PTK2: variants seen among roughly 807,000 people sequenced by gnomAD.
PTK2 encodes protein tyrosine kinase 2.
PTK2 carries 45 observed loss-of-function variants against 150.1 expected under a neutral mutation model. The observed-to-expected ratio is 0.30, with a 90% CI of 0.24 to 0.38. PTK2 has a LOEUF of 0.38. PTK2 is among the 10% of genes least tolerant of loss of function. The pLI is 1.00. For synonymous variants in PTK2, 432 were observed against 449.2 expected, an observed-to-expected ratio of 0.96 and a Z score of 0.48; for missense variants, 919 against 1,307.3, an observed-to-expected ratio of 0.70 and a Z score of 4.58.
intron 1 of PTK2, among the ~76,000 whole-genome samples, chr8:140,974,361 C>CGTT (rs2100188479): frequency 1.3e-5 from 2 of 152,186 alleles, no homozygotes; most frequent in African/African-American, 4.8e-5. Context: ...CTCATAGCCA[C>CGTT]ATGAATACTA....
chr8:140,666,828 G>C (rs2092313118), intron 30 of PTK2, among the ~76,000 whole-genome samples: 1 of 152,190 alleles, frequency 6.6e-6, no homozygotes, highest in Non-Finnish European at 1.5e-5. Flanking sequence ...CATGTTCCTA[G>C]CAGCATTCTT....
chr8:140,905,055 T>C (rs993723353), intron 2 of PTK2, among the ~76,000 whole-genome samples: 2 of 152,252 alleles, frequency 1.3e-5, no homozygotes, highest in Non-Finnish European at 2.9e-5. Flanking sequence ...GTGTTTGCTC[T>C]TCCTTCTCTA....
rs1487303719 is a variant in PTK2 at position 140,807,717 on chromosome 8, AATG to A, written c.868-4070_868-4068del. Among the ~76,000 whole-genome samples the A allele has an allele frequency of 4.6e-5, 7 of 152,360 alleles. No individual in the cohort carries two copies. The East Asian group carries it at 1.2e-3, about 25-fold the overall frequency. On this transcript the variant is annotated intron_variant, in intron 10 of 31. Coordinates refer to ENST00000522684, the Ensembl canonical transcript of PTK2. ...AATTCTTACACTGACTATATCTTGA[AATG>A]ATGATACATTGGATATACTGGATCA...
chr8:140,796,752 C>T (rs2100091850), intron 12 of PTK2, among the ~76,000 whole-genome samples: 3 of 152,118 alleles, frequency 2.0e-5, no homozygotes, highest in Non-Finnish European at 4.4e-5. Context: ...ATGTCTAATT[C>T]TGGGAGTTAA....
chr8:140,930,126 T>C (rs547690300), intron 1 of PTK2, among the ~76,000 whole-genome samples: 5 of 152,236 alleles, frequency 3.3e-5, no homozygotes, highest in Non-Finnish European at 5.9e-5. Flanking sequence ...GCTTATAATA[T>C]GTTTATTTGT....
At chr8:140,721,923 G>A (rs1303597799) in intron 22 of PTK2, 1 of 152,166 alleles carries the variant, frequency 6.6e-6, no homozygotes, top group Admixed American at 6.5e-5. Flanking sequence ...TTGCCAAAAG[G>A]CATTGTAAAT....
chr8:140,984,794 T>C (rs1210763619), intron 1 of PTK2, among the ~76,000 whole-genome samples: 1 of 152,094 alleles, frequency 6.6e-6, no homozygotes, highest in Admixed American at 6.6e-5. Context: ...ACAGCTCAAC[T>C]TACTGACTTA....
chr8:140,696,976 A>G lies in PTK2; in HGVS notation c.2499+3915T>C, dbSNP rs547757085. ...CCAACATGATGAAACTCTACCAAAA[A>G]TACAAAAATTAGCTGGGCGTGGTGG... On this transcript the variant is annotated intron_variant, in intron 26 of 31. Coordinates refer to ENST00000522684, the Ensembl canonical transcript of PTK2. Among the ~76,000 whole-genome samples, 4 of 151,912 alleles carry G rather than the reference A, an allele frequency of 2.6e-5. No homozygotes were observed. In the South Asian group the frequency reaches 6.3e-4, roughly 24 times the overall value.
intron 5 of PTK2, among the ~76,000 whole-genome samples, chr8:140,859,770 T>C (rs923697425): frequency 1.5e-4 from 8 of 52,886 alleles, no homozygotes; most frequent in Non-Finnish European, 2.1e-4. Context: ...ACCCCCGACA[T>C]GTGTGTTTAA....
At chr8:140,774,600 A>G (rs1310484027) in intron 14 of PTK2, among the ~76,000 whole-genome samples, 1 of 152,212 alleles carries the variant, frequency 6.6e-6, no homozygotes, top group Non-Finnish European at 1.5e-5. Context: ...ACTGAGACCT[A>G]CTGGGCTGCG....
exon 12 of PTK2, chr8:140,800,473 A>C (rs2100094347): frequency 1.2e-6 from 2 of 1,612,732 alleles, no homozygotes; most frequent in Non-Finnish European, 1.7e-6. Context: ...CTGAGGTCTG[A>C]TGATAAATGA....
intron 3 of PTK2, among the ~76,000 whole-genome samples, chr8:140,882,580 T>C (rs917639597): frequency 6.6e-6 from 1 of 152,216 alleles, no homozygotes; most frequent in African/African-American, 2.4e-5. Context: ...ATTCTCATAG[T>C]AGACATTCAT....
chr8:140,782,305 G>A (rs1194732474), intron 14 of PTK2, among the ~76,000 whole-genome samples: 2 of 151,452 alleles, frequency 1.3e-5, no homozygotes, highest in African/African-American at 4.9e-5. Flanking sequence ...AGTACAGTGG[G>A]GTGATCTCAG....
chr8:140,983,866 C>T (rs1430103906), intron 1 of PTK2: 2 of 152,024 alleles, frequency 1.3e-5, no homozygotes, highest in Admixed American at 6.6e-5. Flanking sequence ...TTAATAAGAC[C>T]AAGCACTGCC....
chr8:140,660,874 C>T (rs924212910), intron 31 of PTK2, among the ~76,000 whole-genome samples: 4 of 152,192 alleles, frequency 2.6e-5, no homozygotes, highest in Non-Finnish European at 5.9e-5. Flanking sequence ...GGTGACTTAT[C>T]CATTTGCTCT....
At chr8:140,855,326 T>C (rs1305721311) in intron 5 of PTK2, among the ~76,000 whole-genome samples, 1 of 152,038 alleles carries the variant, frequency 6.6e-6, no homozygotes, top group Non-Finnish European at 1.5e-5. Context: ...CCACGTGTGG[T>C]GGCTCACGTC....
intron 27 of PTK2, chr8:140,675,753 T>C (rs1014268566): frequency 2.5e-5 from 11 of 433,822 alleles, no homozygotes; most frequent in African/African-American, 2.2e-4. Flanking sequence ...ACAAACACAG[T>C]GGTCATAACC....
intron 5 of PTK2, among the ~76,000 whole-genome samples, chr8:140,847,919 C>G (rs1054926723): frequency 6.6e-6 from 1 of 152,170 alleles, no homozygotes; most frequent in Admixed American, 6.5e-5. Context: ...TGGATGGTTC[C>G]TCATTATGAC....
chr8:140,799,533 C>T (rs548790970), intron 12 of PTK2, among the ~76,000 whole-genome samples: 1 of 152,270 alleles, frequency 6.6e-6, no homozygotes, highest in South Asian at 2.1e-4. Flanking sequence ...GTCTAACAAC[C>T]CTACAAAATA....
Sources: allele counts gnomAD v4.1 joint callset (sites outside exome capture counted in the v4.1 genomes callset), GRCh38; gene constraint gnomAD v4.1.1; transcripts MANE v1.5; gene names NCBI Gene and HGNC (gene_info 2026-07-23, HGNC 2026-07-21).